Variants in ZC3H12C observed in about 807,000 individuals in gnomAD.
The protein encoded by ZC3H12C is probable ribonuclease ZC3H12C.
Under a neutral mutation model 76.3 loss-of-function variants are expected in ZC3H12C, and 20 were observed. That is an observed-to-expected ratio of 0.26 (90% confidence interval 0.18 to 0.38). ZC3H12C has a LOEUF of 0.38. Ranked by LOEUF, ZC3H12C falls within the 10% of genes least tolerant of loss-of-function variation. ZC3H12C has a pLI of 1.00. For synonymous variants in ZC3H12C, 352 were observed against 399.6 expected (o/e 0.88, Z 1.42); for missense variants, 874 against 1,086.5 (o/e 0.80, Z 2.75).
In ZC3H12C at chr11:110,170,180, A is replaced by T. The variant is rs77336577; in HGVS notation, c.*4443A>T. On this transcript the variant is annotated 3_prime_UTR_variant, in exon 6 of 6. Transcript: ENST00000278590. ...TGTTTACACCCATTATTTATTAGAG[A>T]TATTTCTTGTGTTTAACCACAAAAA... The T allele has an allele frequency of 6.6e-6, 1 of 152,138 alleles. No homozygotes were observed. The highest frequency in any genetic ancestry group is 1.5e-5 in the Non-Finnish European group (1 of 68,004). The allele number at this position is 152,138 out of a possible 1,614,324, so 9.4% of individuals were successfully genotyped here.
chr11:110,117,489 A>G (rs1053275652), intron 1 of ZC3H12C, among the ~76,000 whole-genome samples: 7 of 151,716 alleles, frequency 4.6e-5, no homozygotes, highest in African/African-American at 1.7e-4. Context: ...AATTACATAT[A>G]GCTAACATAT....
At chr11:110,131,176 C>T (rs1245688009) in intron 1 of ZC3H12C, 1 of 1,205,118 alleles carries the variant, frequency 8.3e-7, no homozygotes, top group African/African-American at 1.5e-5. Flanking sequence ...TTAATTTGAA[C>T]TCTGTAAAAG....
intron 1 of ZC3H12C, among the ~76,000 whole-genome samples, chr11:110,108,439 G>C (rs1011374061): frequency 2.4e-4 from 36 of 152,194 alleles, no homozygotes; most frequent in African/African-American, 8.2e-4. Flanking sequence ...CCACATATGT[G>C]ATATCATGAT....
intron 1 of ZC3H12C, 139 bp downstream of exon 1, chr11:110,093,571 T>C: frequency 1.8e-6 from 1 of 555,388 alleles, no homozygotes; most frequent in South Asian, 8.2e-5. Flanking sequence ...CGCCGTGTGA[T>C]CTCCAGGCCC....
In ZC3H12C at chr11:110,162,129, CTG is replaced by C. The variant is rs747797685; in HGVS notation, c.1149-1140_1149-1139del. ...CCAGCCTGGGTGAAACAGCAAAACT[CTG>C]TGTCAAAAAGAAAAAAAGGATTATT... On this transcript the variant is annotated intron_variant, in intron 4 of 5. Coordinates refer to ENST00000278590, the MANE Select transcript of ZC3H12C (RefSeq NM_033390.2). 7.9e-5 allele frequency among the ~76,000 whole-genome samples: 12 copies of C among 152,160 alleles called. No individual in the cohort carries two copies. The East Asian group carries it at 2.3e-3, about 29-fold the overall frequency.
intron 1 of ZC3H12C, among the ~76,000 whole-genome samples, chr11:110,094,079 A>G (rs1365940204): frequency 3.9e-5 from 6 of 152,246 alleles, no homozygotes; most frequent in Non-Finnish European, 8.8e-5. Context: ...TGTTACAAAT[A>G]TAACTTGGAG....
chr11:110,157,369 G>A (rs985046010), intron 3 of ZC3H12C, among the ~76,000 whole-genome samples: 4 of 150,858 alleles, frequency 2.7e-5, no homozygotes, highest in Admixed American at 6.6e-5. Context: ...GATTGTGATT[G>A]TCTGATGTGG....
At chr11:110,145,192 T>C (rs938142410) in intron 2 of ZC3H12C, among the ~76,000 whole-genome samples, 1 of 152,182 alleles carries the variant, frequency 6.6e-6, no homozygotes, top group African/African-American at 2.4e-5. Context: ...TGGCAATTCA[T>C]ATGGTGTAAT....
At chr11:110,101,714 A>G (rs1861219830) in intron 1 of ZC3H12C, among the ~76,000 whole-genome samples, 1 of 151,886 alleles carries the variant, frequency 6.6e-6, no homozygotes, top group Admixed American at 6.6e-5. Context: ...CGTCCAGCTA[A>G]TTTTTGTATT....
At chr11:110,108,213 C>T (rs1861366627) in intron 1 of ZC3H12C, among the ~76,000 whole-genome samples, 1 of 152,146 alleles carries the variant, frequency 6.6e-6, no homozygotes, top group African/African-American at 2.4e-5. Context: ...GCCTCGGCCT[C>T]CTAAAGTGTT....
chr11:110,152,535 A>ATT (rs3039411), intron 2 of ZC3H12C, among the ~76,000 whole-genome samples: 12 of 151,254 alleles, frequency 7.9e-5, no homozygotes, highest in Non-Finnish European at 1.3e-4. Context: ...GTTTTTACAG[A>ATT]TTTTTTTTTT....
intron 3 of ZC3H12C, among the ~76,000 whole-genome samples, chr11:110,154,097 C>T (rs989802003): frequency 3.3e-5 from 5 of 152,152 alleles, no homozygotes; most frequent in African/African-American, 4.8e-5. Context: ...TTTGGCTGGG[C>T]GCAGTGGCTC....
intron 3 of ZC3H12C, among the ~76,000 whole-genome samples, chr11:110,153,462 A>T (rs781068400): frequency 3.3e-5 from 5 of 152,352 alleles, no homozygotes; most frequent in Non-Finnish European, 5.9e-5. Flanking sequence ...TGCTGGGATT[A>T]CAGGCATGAG....
chr11:110,159,643 A>G, intron 4 of ZC3H12C, 153 bp downstream of exon 4: 2 of 705,672 alleles, frequency 2.8e-6, no homozygotes, highest in Non-Finnish European at 4.6e-6. Context: ...GGGAGTCAGG[A>G]AAACTGCAGA....
At chr11:110,133,020 C>T (rs920953584) in intron 1 of ZC3H12C, among the ~76,000 whole-genome samples, 7 of 152,006 alleles carry the variant, frequency 4.6e-5, no homozygotes, top group African/African-American at 1.7e-4. Context: ...ATAGTAATTT[C>T]TTGTAAGTTT....
At chr11:110,148,761 A>G (rs1308314529) in intron 2 of ZC3H12C, among the ~76,000 whole-genome samples, 2 of 152,256 alleles carry the variant, frequency 1.3e-5, no homozygotes, top group African/African-American at 4.8e-5. Flanking sequence ...CAGATAGCCC[A>G]TAAGTGGCTA....
intron 1 of ZC3H12C, among the ~76,000 whole-genome samples, chr11:110,107,957 C>T (rs1861361378): frequency 6.6e-6 from 1 of 152,006 alleles, no homozygotes; most frequent in Non-Finnish European, 1.5e-5. Flanking sequence ...GCCACCATAC[C>T]CAGCCTTTCA....
intron 1 of ZC3H12C, among the ~76,000 whole-genome samples, chr11:110,104,475 C>T (rs1040952006): frequency 6.6e-5 from 10 of 152,082 alleles, no homozygotes; most frequent in East Asian, 1.9e-4. Context: ...GAGAGACTTA[C>T]GCTGTGGATT....
intron 1 of ZC3H12C, among the ~76,000 whole-genome samples, chr11:110,103,568 C>T (rs543725196): frequency 6.6e-6 from 1 of 151,368 alleles, no homozygotes; most frequent in South Asian, 2.1e-4. Context: ...GAATTGATGC[C>T]TGGAGATGTT....
Sources: gnomAD v4.1 joint callset for allele counts (sites outside exome capture counted in the v4.1 genomes callset) on GRCh38, gnomAD v4.1.1 for gene constraint, MANE v1.5 for transcripts, NCBI Gene and HGNC (gene_info 2026-07-23, HGNC 2026-07-21) for gene names.